Variants in ZNF268 observed in about 807,000 individuals in gnomAD.
ZNF268 encodes the protein zinc finger protein 3.
ZNF268 carries 20 observed loss-of-function variants against 29.3 expected under a neutral mutation model. The observed-to-expected ratio is 0.68, with a 90% confidence interval of 0.48 to 0.99. ZNF268 has a LOEUF of 0.99. Among genes scored for constraint, ZNF268 ranks in the 50% least tolerant of loss-of-function variants. The probability of loss-of-function intolerance (pLI) is 0.00; values close to 1 mark genes in which losing one functional copy is unlikely to be tolerated. For missense variants in ZNF268, 1,240 were observed against 1,121.6 expected (o/e 1.11, Z -1.51); for synonymous variants, 429 against 376.9 (o/e 1.14, Z -1.60).
chr12:133,194,248 A>G (rs1436261351), intron 5 of ZNF268, among the ~76,000 whole-genome samples: 1 of 152,178 alleles, frequency 6.6e-6, no homozygotes, highest in Non-Finnish European at 1.5e-5. Context: ...TAGTCCTTGC[A>G]TTACTAGGAT....
chr12:133,200,366 A>G (rs1452255789), intron 5 of ZNF268, among the ~76,000 whole-genome samples: 1 of 152,134 alleles, frequency 6.6e-6, no homozygotes, highest in Non-Finnish European at 1.5e-5. Context: ...CCTGAGTTCT[A>G]GTTTGATTGC....
At chr12:133,183,308 A>G (rs931219314) in intron 2 of ZNF268, among the ~76,000 whole-genome samples, 2 of 152,112 alleles carry the variant, frequency 1.3e-5, no homozygotes, top group African/African-American at 4.8e-5. Flanking sequence ...GTAAGAGAAT[A>G]TAAGGGTTTA....
intron 5 of ZNF268, among the ~76,000 whole-genome samples, chr12:133,195,258 C>T (rs1276564131): frequency 6.6e-6 from 1 of 152,166 alleles, no homozygotes; most frequent in Non-Finnish European, 1.5e-5. Context: ...TTTTCTGTAG[C>T]TTCAGAATCT....
In ZNF268 at chr12:133,203,308, C is replaced by T. The variant is rs763518110; in HGVS notation, c.1622C>T (p.Ser541Leu). 11 of 1,542,066 alleles carry T rather than the reference C, an allele frequency of 7.1e-6. No individual in the cohort carries two copies. In the South Asian group the frequency reaches 1.3e-4, roughly 18 times the overall value. ...NNCGKAFSFKSQLIIHQRIHT... is the reference protein window; with the variant it reads ...NNCGKAFSFKLQLIIHQRIHT... ...TGTGGGAAAGCCTTCAGTTTTAAATCACAGCTCATTATACATCAGAGGATT... is the reference window on the plus strand; with the variant it reads ...TGTGGGAAAGCCTTCAGTTTTAAATTACAGCTCATTATACATCAGAGGATT... Residue 541 changes from serine to leucine, a missense_variant, in exon 6 of 6, where the codon TCA becomes TTA. Physicochemically the swap from Ser to Leu is moderately radical, Grantham distance 145 (BLOSUM62 -2). This residue lies in a region of ZNF268 where 1,177 missense variants were observed against 1,039.6 expected (regional missense o/e 1.13). Transcript: ENST00000536435.
chr12:133,188,115 C>CTT (rs11427950), intron 3 of ZNF268, 43 bp downstream of exon 3: 22,005 of 1,316,474 alleles, frequency 0.017, 64 homozygotes, highest in African/African-American at 0.063. Flanking sequence ...TCTTTATTAC[C>CTT]TTTTTTTTTT....
chr12:133,206,522 T>G lies in ZNF268; in HGVS notation c.*1992T>G, dbSNP rs1233609528. ...AAAGTTAGTTTTCTTCACTACCTCATCAGGTTTGTTATGTGAGTGGGCATT... is the reference window on the plus strand; with the variant it reads ...AAAGTTAGTTTTCTTCACTACCTCAGCAGGTTTGTTATGTGAGTGGGCATT... On this transcript the variant is annotated 3_prime_UTR_variant, in exon 6 of 6. Coordinates refer to ENST00000536435, the MANE Select transcript of ZNF268 (RefSeq NM_003415.3). 1.3e-5 allele frequency: 2 copies of G among 152,178 alleles called. No homozygotes were observed. The highest frequency in any genetic ancestry group is 2.9e-5 in the Non-Finnish European group (2 of 68,048). The allele number at this position is 152,178 out of a possible 1,614,324, so 9.4% of individuals were successfully genotyped here.
At position 133,209,008 on chromosome 12, in the gene ZNF268, T is replaced by G. The variant is rs139663292; in HGVS notation, c.*4478T>G. On this transcript the variant is annotated 3_prime_UTR_variant, in exon 6 of 6. Coordinates refer to ENST00000536435, the MANE Select transcript of ZNF268 (RefSeq NM_003415.3). ...TGCCAGGCTGGAGTGCAGTGGTGTG[T>G]TCTTGGCTCACTGCAACCTCTGCCT... 0.77 allele frequency: 115,668 copies of G among 149,292 alleles called. 45,610 individuals are homozygous for G. Among genetic ancestry groups the G allele is most frequent in the African/African-American group, 0.91 (37,113 of 40,566 alleles). 9.2% of individuals were successfully genotyped at this position (149,292 alleles called of 1,614,324 possible).
intron 2 of ZNF268, among the ~76,000 whole-genome samples, chr12:133,186,239 C>G (rs1487231388): frequency 6.6e-6 from 1 of 152,044 alleles, no homozygotes; most frequent in Admixed American, 6.5e-5. Context: ...TATTTAGTCT[C>G]TGGATGTAGG....
chr12:133,212,445 T>TTATA lies in ZNF268; in HGVS notation c.*7965_*7968dup, dbSNP rs565059550. The TTATA allele has an allele frequency of 3.8e-3, 444 of 117,846 alleles. 4 individuals are homozygous for TTATA. Among genetic ancestry groups the TTATA allele is most frequent in the Non-Finnish European group, 5.6e-3 (303 of 53,742 alleles). 7.3% of individuals were successfully genotyped at this position (117,846 alleles called of 1,614,324 possible). A position where few individuals can be genotyped will look rare whatever the true frequency, so the allele number is the denominator to read the frequency against. ...CCAAGGGAGACTTTCATGTGTGATT[T>TTATA]TATATATATATATATATATATATAT... On this transcript the variant is annotated 3_prime_UTR_variant, in exon 6 of 6. Transcript: ENST00000536435.
At chr12:133,193,544 CTG>C in intron 5 of ZNF268, 1 of 663,314 alleles carries the variant, frequency 1.5e-6, no homozygotes, top group Non-Finnish European at 2.7e-6. Context: ...GTGAGGAACA[CTG>C]TGGGACAGAA....
In ZNF268 at chr12:133,202,401, C is replaced by T; in HGVS notation, c.715C>T (p.His239Tyr). 6.2e-7 allele frequency: 1 copy of T among 1,611,056 alleles called. No homozygotes were observed. The highest frequency in any genetic ancestry group is 8.5e-7 in the Non-Finnish European group (1 of 1,178,406). The change falls in exon 6 of 6, where the codon CAT becomes TAT. Residue 239 changes from histidine (H) to tyrosine (Y), a missense_variant. Physicochemically the swap from His to Tyr is moderately conservative, Grantham distance 83. Transcript: ENST00000536435. ...TGGAAAATCATTCTTCCATTCTAAA[C>T]ATGAGCAAACTGTTATTGGAATAAA... ...VHGKSFFHSK[H>Y]EQTVIGIKYC... is the part of the protein sequence containing the mutation.
At position 133,204,300 on chromosome 12, in the gene ZNF268, G is replaced by A. The variant is rs1956844243; in HGVS notation, c.2614G>A (p.Ala872Thr). Residue 872 changes from alanine to threonine, a missense_variant, in exon 6 of 6, where the codon GCC (alanine) becomes ACC (threonine). By Grantham distance (58) the Ala-to-Thr change is moderately conservative. Coordinates refer to ENST00000536435, the MANE Select transcript of ZNF268 (RefSeq NM_003415.3). ...ATATGAATGCAGTGAGTGTGGAAAA[G>A]CCTTCATTAGGAATTCTCAACTCAT... ...KPYECSECGK[A>T]FIRNSQLIVH... The A allele has an allele frequency of 1.3e-6, 2 of 1,557,192 alleles. No homozygotes were observed. Among genetic ancestry groups the A allele is most frequent in the African/African-American group, 1.4e-5 (1 of 73,556 alleles).
chr12:133,204,894 T>G lies in ZNF268; in HGVS notation c.*364T>G, dbSNP rs533872324. 1.2e-5 allele frequency: 2 copies of G among 170,664 alleles called. No individual in the cohort carries two copies. The highest frequency in any genetic ancestry group is 3.8e-4 in the South Asian group (2 of 5,278). The allele number at this position is 170,664 out of a possible 1,614,324, so 10.6% of individuals were successfully genotyped here. On this transcript the variant is annotated 3_prime_UTR_variant, in exon 6 of 6. Coordinates refer to ENST00000536435, the MANE Select transcript of ZNF268 (RefSeq NM_003415.3). ...TGAACCAGATGAATATAGAATAGAC[T>G]TCTTTGAAATTCATAGTTTACAGAA...
At chr12:133,184,807 C>A in intron 2 of ZNF268, 1 of 394,068 alleles carries the variant, frequency 2.5e-6, no homozygotes, top group Non-Finnish European at 5.3e-6. Context: ...TTAATACCAT[C>A]ACAATGGGGG....
At chr12:133,183,818 A>G (rs999455038) in intron 2 of ZNF268, among the ~76,000 whole-genome samples, 6 of 152,246 alleles carry the variant, frequency 3.9e-5, no homozygotes, top group African/African-American at 1.4e-4. Context: ...GACAAGAGAA[A>G]GCAGGGGAAG....
chr12:133,192,192 C>T (rs953611041), intron 5 of ZNF268, among the ~76,000 whole-genome samples, 189 bp downstream of exon 5: 24 of 150,826 alleles, frequency 1.6e-4, no homozygotes, highest in African/African-American at 5.4e-4. Flanking sequence ...GCTGCATCCT[C>T]TGCCTCCTGG....
In ZNF268 at chr12:133,214,217, T is replaced by C. The variant is rs536931712; in HGVS notation, c.*9687T>C. ...CCATCATGGAAATATAAATCAAAAA[T>C]ACAATGAGATAACACTCCATACCCA... On this transcript the variant is annotated 3_prime_UTR_variant, in exon 6 of 6. Transcript: ENST00000536435. 6.6e-6 allele frequency: 1 copy of C among 152,192 alleles called. No individual in the cohort carries two copies. The highest frequency in any genetic ancestry group is 2.1e-4 in the South Asian group (1 of 4,820). 9.4% of individuals were successfully genotyped at this position (152,192 alleles called of 1,614,324 possible).
intron 2 of ZNF268, among the ~76,000 whole-genome samples, 153 bp downstream of exon 2, chr12:133,182,183 C>T (rs1185477981): frequency 4.6e-5 from 7 of 152,176 alleles, no homozygotes. Flanking sequence ...TTAGACTTTC[C>T]AGAAATGCTT....
chr12:133,188,672 G>T (rs976226631), intron 3 of ZNF268, among the ~76,000 whole-genome samples: 1 of 150,164 alleles, frequency 6.7e-6, no homozygotes, highest in Non-Finnish European at 1.5e-5. Context: ...TGTATTGTTC[G>T]GGAAGCTTGT....
Sources: gnomAD v4.1 joint callset for allele counts (sites outside exome capture counted in the v4.1 genomes callset) on GRCh38, gnomAD v4.1.1 for gene constraint, gnomAD v4.1.1 regional missense constraint, MANE v1.5 for transcripts, NCBI Gene and HGNC (gene_info 2026-07-23, HGNC 2026-07-21) for gene names.